ANKS1B: variants seen among roughly 807,000 people sequenced by gnomAD.
The protein encoded by ANKS1B is ankyrin repeat and sterile alpha motif domain-containing protein 1B.
ANKS1B carries 36 observed loss-of-function variants against 148.3 expected under a neutral mutation model. The observed-to-expected ratio is 0.24, with a 90% confidence interval of 0.19 to 0.32. The LOEUF is 0.32. ANKS1B is among the 10% of genes least tolerant of loss of function. The probability of loss-of-function intolerance (pLI) is 1.00; values close to 1 mark genes in which losing one functional copy is unlikely to be tolerated. For missense variants in ANKS1B, 1,157 were observed against 1,542.6 expected (o/e 0.75, Z 4.19); for synonymous variants, 542 against 560.8 (o/e 0.97, Z 0.47).
intron 9 of ANKS1B, among the ~76,000 whole-genome samples, chr12:98,738,628 A>G (rs748362008): frequency 1.3e-5 from 2 of 152,222 alleles, no homozygotes; most frequent in African/African-American, 2.4e-5. Context: ...CTAATCGGTG[A>G]CAAAGCCAGG....
At chr12:99,723,985 A>T (rs531440847) in intron 8 of ANKS1B, among the ~76,000 whole-genome samples, 3 of 152,080 alleles carry the variant, frequency 2.0e-5, no homozygotes, top group East Asian at 3.9e-4. Context: ...CCCCAAAAAA[A>T]CCCATCAAGG....
At chr12:98,817,161 G>A (rs188933537) in intron 19 of ANKS1B, among the ~76,000 whole-genome samples, 2 of 152,274 alleles carry the variant, frequency 1.3e-5, no homozygotes, top group Admixed American at 1.3e-4. Flanking sequence ...CCTTCTTCTG[G>A]ATGATAGTGC....
At chr12:99,319,258 A>T (rs927435959) in intron 12 of ANKS1B, among the ~76,000 whole-genome samples, 2 of 152,054 alleles carry the variant, frequency 1.3e-5, no homozygotes, top group African/African-American at 4.8e-5. Context: ...GATCTGTCTA[A>T]TGTTGACAGT....
chr12:99,088,838 G>GTTTTTTTTTTTTTTTTTTTTTTTTTTTTT (rs386377539), intron 15 of ANKS1B, among the ~76,000 whole-genome samples: 2 of 69,848 alleles, frequency 2.9e-5, no homozygotes, highest in Non-Finnish European at 4.8e-5. Context: ...TTTAACTTCT[G>GTTTTTTTTTTTTTTTTTTTTTTTTTTTTT]TTTTTTTTTT....
intron 17 of ANKS1B, among the ~76,000 whole-genome samples, chr12:98,887,471 G>C (rs1399649148): frequency 6.6e-6 from 1 of 152,074 alleles, no homozygotes; most frequent in East Asian, 1.9e-4. Context: ...ATCCACTCCT[G>C]ATCAAACCTC....
chr12:99,303,537 A>T (rs569625441), intron 12 of ANKS1B, among the ~76,000 whole-genome samples: 297 of 152,226 alleles, frequency 2.0e-3, no homozygotes, highest in African/African-American at 6.7e-3. Context: ...AGACAAATTT[A>T]AAAAAAATCA....
chr12:99,602,869 A>G (rs1341280637), intron 9 of ANKS1B, among the ~76,000 whole-genome samples: 1 of 152,112 alleles, frequency 6.6e-6, no homozygotes, highest in Non-Finnish European at 1.5e-5. Flanking sequence ...CCTCAAAAAC[A>G]ATTAGTTAGA....
In ANKS1B at chr12:99,646,987, C is replaced by T. The variant is rs191578284; in HGVS notation, c.1272+8080G>A. On this transcript the variant is annotated intron_variant, in intron 9 of 26. Coordinates refer to ENST00000683438, the MANE Select transcript of ANKS1B (RefSeq NM_001352186.2). ...ATAAAATTTATCATGGCTATAGAAA[C>T]AGAAAAAAAAAAATACATTGCCAAT... Among the ~76,000 whole-genome samples the T allele has an allele frequency of 6.4e-3, 923 of 143,942 alleles. 9 individuals carry two copies. The highest frequency in any genetic ancestry group is 0.022 in the African/African-American group (844 of 38,936). 94.4% of individuals were successfully genotyped at this position (143,942 alleles called of 152,430 possible). A position where few individuals can be genotyped will look rare whatever the true frequency, so the allele number is the denominator to read the frequency against.
chr12:99,548,837 G>A (rs2097193440), intron 9 of ANKS1B, among the ~76,000 whole-genome samples: 1 of 152,114 alleles, frequency 6.6e-6, no homozygotes. Context: ...ATTAGAAGTT[G>A]CGAAGATCAT....
At chr12:99,107,988 C>G (rs1171433200) in intron 15 of ANKS1B, among the ~76,000 whole-genome samples, 1 of 152,174 alleles carries the variant, frequency 6.6e-6, no homozygotes, top group Non-Finnish European at 1.5e-5. Context: ...GTATTTCTCA[C>G]TGAAACTTTC....
chr12:99,464,570 G>C (rs2096062046), intron 10 of ANKS1B, among the ~76,000 whole-genome samples: 1 of 152,102 alleles, frequency 6.6e-6, no homozygotes, highest in South Asian at 2.1e-4. Context: ...TGTATAACTA[G>C]AATAACCAAT....
intron 10 of ANKS1B, among the ~76,000 whole-genome samples, chr12:99,486,374 G>A (rs567110638): frequency 3.4e-4 from 52 of 152,060 alleles, no homozygotes; most frequent in Non-Finnish European, 5.9e-4. Flanking sequence ...CGTTCTCAGT[G>A]TGTGAGCAAG....
At chr12:99,241,756 A>G (rs774700545) in intron 14 of ANKS1B, among the ~76,000 whole-genome samples, 2 of 152,250 alleles carry the variant, frequency 1.3e-5, no homozygotes, top group Non-Finnish European at 2.9e-5. Context: ...ACACAAATCA[A>G]TAAATGTAAT....
intron 1 of ANKS1B, among the ~76,000 whole-genome samples, chr12:99,827,023 G>A (rs2083283666): frequency 6.6e-6 from 1 of 152,042 alleles, no homozygotes; most frequent in East Asian, 1.9e-4. Context: ...GGAGGCTGAG[G>A]TAGAAGGGTT....
chr12:99,919,714 T>G (rs1190891290), intron 1 of ANKS1B, among the ~76,000 whole-genome samples: 8 of 148,350 alleles, frequency 5.4e-5, no homozygotes, highest in African/African-American at 2.0e-4. Context: ...TGGTAGCCTC[T>G]AGCCACAGGT....
chr12:99,823,722 T>A (rs1565800087), intron 2 of ANKS1B, among the ~76,000 whole-genome samples: 1 of 152,224 alleles, frequency 6.6e-6, no homozygotes, highest in Non-Finnish European at 1.5e-5. Flanking sequence ...TAGTTTGAGA[T>A]CTTACATTTA....
rs962563803 is a variant in ANKS1B at position 99,472,678 on chromosome 12, G to A, written c.1439-28869C>T. Among the ~76,000 whole-genome samples the A allele has an allele frequency of 7.2e-5, 11 of 152,136 alleles. No homozygotes were observed. The South Asian group carries it at 1.7e-3, about 23-fold the overall frequency. ...GTAAAGGATTTTAAAAGCATTTGGG[G>A]ATTTTTAAAAAAGGCTTCCAGAGAC... On this transcript the variant is annotated intron_variant, in intron 10 of 26. Coordinates refer to ENST00000683438, the MANE Select transcript of ANKS1B (RefSeq NM_001352186.2).
intron 10 of ANKS1B, among the ~76,000 whole-genome samples, chr12:99,455,807 C>T (rs2095839009): frequency 1.3e-5 from 2 of 152,108 alleles, no homozygotes; most frequent in South Asian, 4.1e-4. Context: ...CTAACCCTGT[C>T]CCCACTTGAT....
intron 14 of ANKS1B, among the ~76,000 whole-genome samples, chr12:99,184,401 G>T (rs76738564): frequency 6.2e-4 from 94 of 152,210 alleles, no homozygotes; most frequent in South Asian, 1.5e-3. Flanking sequence ...GCTCCATTTG[G>T]GTTCAAGCAT....
Sources: gnomAD v4.1 joint callset for allele counts (sites outside exome capture counted in the v4.1 genomes callset) on GRCh38, gnomAD v4.1.1 for gene constraint, MANE v1.5 for transcripts, NCBI Gene and HGNC (gene_info 2026-07-23, HGNC 2026-07-21) for gene names.